Variants in FSTL4 observed in about 807,000 individuals in gnomAD.
FSTL4 encodes the protein follistatin-related protein 4.
Under a neutral mutation model 78.2 loss-of-function variants are expected in FSTL4, and 28 were observed. That is an observed-to-expected ratio of 0.36 (90% CI 0.27 to 0.49). The LOEUF (loss-of-function observed/expected upper bound fraction) is 0.49. Ranked by LOEUF, FSTL4 falls within the 20% of genes least tolerant of loss-of-function variation. The pLI is 0.98. For synonymous variants in FSTL4, 422 were observed against 440.5 expected (o/e 0.96, Z 0.53); for missense variants, 922 against 1,084.9 (o/e 0.85, Z 2.11).
chr5:133,325,841 T>G (rs1415755679), intron 4 of FSTL4, among the ~76,000 whole-genome samples: 1 of 152,190 alleles, frequency 6.6e-6, no homozygotes, highest in Non-Finnish European at 1.5e-5. Context: ...CCCATCCTCT[T>G]GGCTGCCTGT....
chr5:133,351,499 G>T (rs1754822986), intron 4 of FSTL4, among the ~76,000 whole-genome samples: 1 of 152,058 alleles, frequency 6.6e-6, no homozygotes, highest in East Asian at 1.9e-4. Flanking sequence ...TATCTTAGCT[G>T]CTGTTTTATG....
intron 3 of FSTL4, among the ~76,000 whole-genome samples, chr5:133,425,201 A>T (rs556691434): frequency 6.6e-6 from 1 of 151,560 alleles, no homozygotes; most frequent in African/African-American, 2.4e-5. Context: ...AAATCTTTTT[A>T]ACATTAAGAT....
At chr5:133,605,731 C>T (rs1489051423) in intron 1 of FSTL4, among the ~76,000 whole-genome samples, 4 of 152,150 alleles carry the variant, frequency 2.6e-5, no homozygotes, top group Non-Finnish European at 5.9e-5. Flanking sequence ...AAGGTGTCTG[C>T]TTGTTTTAAA....
intron 3 of FSTL4, among the ~76,000 whole-genome samples, chr5:133,562,932 A>G (rs1255302835): frequency 6.6e-6 from 1 of 152,204 alleles, no homozygotes; most frequent in Non-Finnish European, 1.5e-5. Flanking sequence ...TGGCCCTCAC[A>G]GTGGACACGG....
At chr5:133,212,167 AATG>A (rs1418414283) in intron 13 of FSTL4, among the ~76,000 whole-genome samples, 5 of 152,188 alleles carry the variant, frequency 3.3e-5, no homozygotes, top group South Asian at 2.1e-4. Flanking sequence ...ACCCATCAGT[AATG>A]ATACCATCTT....
chr5:133,508,023 T>C (rs1275948321), intron 3 of FSTL4, among the ~76,000 whole-genome samples: 3 of 152,034 alleles, frequency 2.0e-5, no homozygotes, highest in Non-Finnish European at 2.9e-5. Flanking sequence ...TTGTGCAAAA[T>C]TGTATTATGA....
rs1364187346 is a variant in FSTL4, at chr5:133,312,779, T to G, written c.604-2A>C. On this transcript the variant is annotated splice_acceptor_variant, in intron 5 of 15. Coordinates refer to ENST00000265342, the MANE Select transcript of FSTL4 (RefSeq NM_015082.2). LOFTEE classifies it high-confidence loss of function. ...CAGGTCCTGCTTCTTCAGCACATGC[T>G]GTGGGGTGAGGAGGAGAACAAGGCC... 6.2e-7 allele frequency: 1 copy of G among 1,614,130 alleles called. No homozygotes were observed. The highest frequency in any genetic ancestry group is 1.1e-5 in the South Asian group (1 of 91,070).
chr5:133,561,945 G>A (rs751930012), intron 3 of FSTL4, among the ~76,000 whole-genome samples: 4 of 152,146 alleles, frequency 2.6e-5, no homozygotes, highest in Admixed American at 6.5e-5. Flanking sequence ...ACAAGGCAAC[G>A]CAACCCAGAA....
At chr5:133,735,181 C>T in the FSTL4 span, among the ~76,000 whole-genome samples, 1 of 152,158 alleles carries the variant, frequency 6.6e-6, no homozygotes, top group Admixed American at 6.6e-5. Context: ...AAAAAAAAGG[C>T]CGGCCGAGCA....
At chr5:133,482,263 C>A (rs1385386834) in intron 3 of FSTL4, among the ~76,000 whole-genome samples, 3 of 152,242 alleles carry the variant, frequency 2.0e-5, no homozygotes, top group Admixed American at 1.3e-4. Context: ...TCCAGACTAT[C>A]CTGGGCCAAA....
intron 3 of FSTL4, among the ~76,000 whole-genome samples, chr5:133,462,195 C>T (rs1757606889): frequency 1.3e-5 from 2 of 152,202 alleles, no homozygotes; most frequent in African/African-American, 2.4e-5. Flanking sequence ...TGACATGCCC[C>T]GATGTCCCCT....
intron 3 of FSTL4, among the ~76,000 whole-genome samples, chr5:133,433,758 C>A (rs948543561): frequency 7.9e-5 from 12 of 152,136 alleles, no homozygotes; most frequent in African/African-American, 2.9e-4. Flanking sequence ...GCTGAGACCT[C>A]AGGAGAAGTC....
At chr5:133,249,808 A>T (rs1752162243) in intron 6 of FSTL4, among the ~76,000 whole-genome samples, 2 of 152,378 alleles carry the variant, frequency 1.3e-5, no homozygotes, top group South Asian at 4.1e-4. Context: ...AACAGGTCAA[A>T]AACCATAAGT....
rs372778075 is a variant in FSTL4, at chr5:133,225,855, G to A, written c.1016-36C>T. The A allele has an allele frequency of 3.2e-5, 47 of 1,480,638 alleles. No homozygotes were observed. Among genetic ancestry groups the A allele is most frequent in the Admixed American group, 2.4e-4 (10 of 41,704 alleles). 91.7% of individuals were successfully genotyped at this position (1,480,638 alleles called of 1,614,324 possible). A position where few individuals can be genotyped will look rare whatever the true frequency, so the allele number is the denominator to read the frequency against. On this transcript the variant is annotated intron_variant, in intron 8 of 15. Coordinates refer to ENST00000265342, the MANE Select transcript of FSTL4 (RefSeq NM_015082.2). This position sits in a 1 kb window ranked among gnomAD's most constrained non-coding sequence, Gnocchi z 4.6. ...GAGTCAGTGCTGGTGAGAAAGAGAC[G>A]GCCCTGACCTGGACTTGGGCCTGTG...
intron 6 of FSTL4, among the ~76,000 whole-genome samples, chr5:133,269,184 C>CAA (rs869156118): frequency 0.091 from 5,333 of 58,678 alleles, 467 homozygotes; most frequent in African/African-American, 0.2. Context: ...GACTCCATCT[C>CAA]AAAAAAAAAA....
chr5:133,513,585 T>C (rs1031422142), intron 3 of FSTL4, among the ~76,000 whole-genome samples: 3 of 152,190 alleles, frequency 2.0e-5, no homozygotes, highest in Non-Finnish European at 2.9e-5. Context: ...TTCTATGGAA[T>C]TGGATGCTAT....
intron 7 of FSTL4, among the ~76,000 whole-genome samples, chr5:133,241,964 A>G (rs1424087929): frequency 6.6e-6 from 1 of 152,104 alleles, no homozygotes; most frequent in Non-Finnish European, 1.5e-5. Context: ...ACTTTCAGTT[A>G]GGAATTTCCT....
the FSTL4 span, among the ~76,000 whole-genome samples, chr5:133,657,766 G>GTTTTTTTT: frequency 1.6e-4 from 14 of 85,922 alleles, no homozygotes; most frequent in South Asian, 3.8e-4. Flanking sequence ...ACTGTTTTTT[G>GTTTTTTTT]TTTTTTTTGT....
chr5:133,699,384 C>T, the FSTL4 span, among the ~76,000 whole-genome samples: 2 of 152,100 alleles, frequency 1.3e-5, no homozygotes, highest in South Asian at 2.1e-4. Context: ...AAAACCACCC[C>T]GAGGAAACTC....
Sources: gnomAD v4.1 joint callset for allele counts (sites outside exome capture counted in the v4.1 genomes callset) on GRCh38, gnomAD v4.1.1 for gene constraint, Gnocchi (gnomAD v3.1) non-coding constraint, MANE v1.5 for transcripts, NCBI Gene and HGNC (gene_info 2026-07-23, HGNC 2026-07-21) for gene names.